MYO16: variants seen among roughly 807,000 people sequenced by gnomAD.
MYO16 encodes the protein myosin XVI.
Under a neutral mutation model 205.3 loss-of-function variants are expected in MYO16, and 94 were observed. The ratio of observed to expected loss-of-function variants is 0.46; its 90% CI spans 0.39 to 0.54. MYO16 has a LOEUF of 0.54. MYO16 is among the 20% of genes least tolerant of loss of function. The pLI is 0.00. For missense variants in MYO16, 2,315 were observed against 2,387.5 expected, an observed-to-expected ratio of 0.97 and a Z score of 0.63; for synonymous variants, 988 against 954.0, an observed-to-expected ratio of 1.04 and a Z score of -0.66.
intron 12 of MYO16, among the ~76,000 whole-genome samples, chr13:108,879,898 A>G (rs1239269282): frequency 1.3e-5 from 2 of 152,188 alleles, no homozygotes; most frequent in Non-Finnish European, 2.9e-5. Flanking sequence ...GGCTGGGTCA[A>G]ATGGTATTTC....
chr13:109,013,142 G>T (rs1294339796), intron 22 of MYO16, among the ~76,000 whole-genome samples: 1 of 55,640 alleles, frequency 1.8e-5, no homozygotes, highest in Non-Finnish European at 3.4e-5. Flanking sequence ...ACAGGCCCCA[G>T]TGTGTGATGT....
intron 16 of MYO16, among the ~76,000 whole-genome samples, chr13:108,952,175 G>A (rs191065935): frequency 5.3e-5 from 8 of 151,892 alleles, no homozygotes; most frequent in Non-Finnish European, 7.4e-5. Context: ...ATATATAGTT[G>A]ATATCAGTGT....
intron 25 of MYO16, 66 bp from the exon 26 acceptor site, chr13:109,054,980 T>G: frequency 9.8e-7 from 1 of 1,015,522 alleles, no homozygotes; most frequent in Non-Finnish European, 1.5e-6. Flanking sequence ...CTCCTTTTCC[T>G]CCTTCTTCCT....
At position 108,957,722 on chromosome 13, in the gene MYO16, A is replaced by G. The variant is rs1208143038; in HGVS notation, c.1960A>G (p.Thr654Ala). Residue 654 changes from threonine to alanine, a missense_variant, in exon 17 of 35, where the codon ACA (threonine) becomes GCA (alanine). Around this residue, in one of 3 missense-constraint regions of MYO16, gnomAD observed 1,213 missense variants for 1,274.4 expected, o/e 0.95. Coordinates refer to ENST00000457511, the MANE Select transcript of MYO16 (RefSeq NM_001198950.3). ...CCAGACCATACAGGATGATGCATCC[A>G]CAGGGGAGCGTTCTCTGAACAGGGA... ...LNQTIQDDAS[T>A]GERSLNREKL... is the part of the protein sequence containing the mutation. The G allele has an allele frequency of 1.2e-6, 2 of 1,613,406 alleles. No individual in the cohort carries two copies. Among genetic ancestry groups the G allele is most frequent in the African/African-American group, 2.7e-5 (2 of 74,942 alleles).
At chr13:108,861,865 A>G (rs1303558906) in intron 11 of MYO16, among the ~76,000 whole-genome samples, 5 of 112,064 alleles carry the variant, frequency 4.5e-5, no homozygotes, top group African/African-American at 1.8e-4. Flanking sequence ...AAACATACAT[A>G]TTGCATTTTC....
At chr13:108,813,228 G>T (rs1396465232) in intron 7 of MYO16, among the ~76,000 whole-genome samples, 1 of 152,132 alleles carries the variant, frequency 6.6e-6, no homozygotes, top group Non-Finnish European at 1.5e-5. Context: ...TGGTTAATAA[G>T]AAATCATAGT....
At chr13:109,152,493 G>C (rs1295997649) in intron 32 of MYO16, among the ~76,000 whole-genome samples, 1 of 152,204 alleles carries the variant, frequency 6.6e-6, no homozygotes, top group Non-Finnish European at 1.5e-5. Context: ...CAGGCTTGAA[G>C]TTATCTCTAA....
chr13:108,560,291 G>C, the MYO16 span, among the ~76,000 whole-genome samples: 59,579 of 152,040 alleles, frequency 0.39, 12,802 homozygotes, highest in East Asian at 0.56. Context: ...CCATGTTGCA[G>C]AGTTGCCATG....
At chr13:108,589,099 C>G in the MYO16 span, among the ~76,000 whole-genome samples, 14 of 152,106 alleles carry the variant, frequency 9.2e-5, no homozygotes, top group Non-Finnish European at 1.6e-4. Context: ...AGTGGTGAGG[C>G]GGACTAAATT....
rs528275203 is a variant in MYO16, at chr13:108,877,122, A to G, written c.1426-5937A>G. 3.9e-5 allele frequency among the ~76,000 whole-genome samples: 6 copies of G among 152,322 alleles called. No individual in the cohort carries two copies. In the East Asian group the frequency reaches 1.2e-3, roughly 29 times the overall value. On this transcript the variant is annotated intron_variant, in intron 12 of 34. Transcript: ENST00000457511. Reference sequence around the variant, plus strand: ...TTATATTTGTCTATTAATCTTTATTATAGACTTTTAACTTATTTCTGTATT... The same window carrying G: ...TTATATTTGTCTATTAATCTTTATTGTAGACTTTTAACTTATTTCTGTATT...
chr13:109,150,626 A>C (rs889504206), intron 32 of MYO16, among the ~76,000 whole-genome samples: 1 of 152,236 alleles, frequency 6.6e-6, no homozygotes, highest in African/African-American at 2.4e-5. Context: ...AACCAAATGC[A>C]ACAAAGAAGC....
rs1044836366 is a variant in MYO16, at chr13:108,927,825, C to G, written c.1925+17675C>G. 3.4e-4 allele frequency among the ~76,000 whole-genome samples: 51 copies of G among 152,156 alleles called. 1 individual carries two copies. The highest frequency in any genetic ancestry group is 5.6e-4 in the Non-Finnish European group (38 of 68,036). On this transcript the variant is annotated intron_variant, in intron 16 of 34. Transcript: ENST00000457511. ...CTCTCCACGGATAAGGAAATAAATG[C>G]AAGGCAGAGAGATCTGCACTCCGGA...
intron 2 of MYO16, among the ~76,000 whole-genome samples, chr13:108,693,087 T>C (rs1882962291): frequency 1.3e-5 from 2 of 152,224 alleles, no homozygotes; most frequent in South Asian, 2.1e-4. Flanking sequence ...ACAGGATTTA[T>C]GCAAATAAAA....
At chr13:108,667,877 C>A (rs1017921688) in intron 2 of MYO16, among the ~76,000 whole-genome samples, 1 of 152,034 alleles carries the variant, frequency 6.6e-6, no homozygotes, top group Admixed American at 6.6e-5. Context: ...AAGACCCCAT[C>A]TCTACAAAAT....
chr13:108,876,913 A>T (rs2139152607), intron 12 of MYO16, among the ~76,000 whole-genome samples: 1 of 152,124 alleles, frequency 6.6e-6, no homozygotes, highest in Non-Finnish European at 1.5e-5. Flanking sequence ...TGATCTGCTC[A>T]CCTCAGTCCC....
chr13:109,017,861 C>T (rs558732590), intron 22 of MYO16, among the ~76,000 whole-genome samples: 75 of 146,588 alleles, frequency 5.1e-4, no homozygotes, highest in African/African-American at 1.7e-3. Context: ...GTTAGCCATT[C>T]GTCTAATCTT....
intron 20 of MYO16, among the ~76,000 whole-genome samples, chr13:108,986,705 T>C (rs1481799752): frequency 1.3e-5 from 2 of 152,042 alleles, no homozygotes; most frequent in Non-Finnish European, 2.9e-5. Flanking sequence ...AGGATATAAT[T>C]GATCTGTTAT....
chr13:109,023,563 A>G (rs866363852), intron 23 of MYO16, among the ~76,000 whole-genome samples: 1 of 119,638 alleles, frequency 8.4e-6, no homozygotes, highest in Non-Finnish European at 1.6e-5. Context: ...TATTATATAT[A>G]CAAATACATG....
intron 9 of MYO16, among the ~76,000 whole-genome samples, chr13:108,830,859 T>C (rs1234703812): frequency 1.3e-5 from 2 of 152,238 alleles, no homozygotes; most frequent in African/African-American, 2.4e-5. Flanking sequence ...GAACAATTTA[T>C]GTAGCTATGT....
Sources: gnomAD v4.1 joint callset for allele counts (sites outside exome capture counted in the v4.1 genomes callset) on GRCh38, gnomAD v4.1.1 for gene constraint, gnomAD v4.1.1 regional missense constraint, MANE v1.5 for transcripts, NCBI Gene and HGNC (gene_info 2026-07-23, HGNC 2026-07-21) for gene names.